The following NHERF2 variants were observed in gnomAD, a reference collection of about 807,000 sequenced individuals.
NHERF2 encodes NHERF family PDZ scaffold protein 2, also known as Na(+)/H(+) exchange regulatory cofactor NHE-RF2.
chr16:2,035,389 A>T, the NHERF2 span: 2 of 985,534 alleles, frequency 2.0e-6, no homozygotes, highest in African/African-American at 3.5e-5. Flanking sequence ...ATGCCGCCCC[A>T]GCCCTGGCCT....
At chr16:2,037,911 G>C in the NHERF2 span, 1 of 1,612,022 alleles carries the variant, frequency 6.2e-7, no homozygotes, top group Non-Finnish European at 8.5e-7. Flanking sequence ...GAGAAGGCTC[G>C]AGCCATGCGA....
the NHERF2 span, chr16:2,037,459 G>T: frequency 0.19 from 229,550 of 1,239,248 alleles, 25,195 homozygotes; most frequent in African/African-American, 0.42. Context: ...ACTGGGGGGG[G>T]GTGTGCCTCT....
At chr16:2,027,118 G>A in the NHERF2 span, 1 of 1,467,476 alleles carries the variant, frequency 6.8e-7, no homozygotes, top group Non-Finnish European at 9.0e-7. Context: ...TTCATCCGGC[G>A]CGTGGAACCC....
At chr16:2,030,923 A>G in the NHERF2 span, among the ~76,000 whole-genome samples, 9 of 152,086 alleles carry the variant, frequency 5.9e-5, no homozygotes, top group Admixed American at 3.3e-4. Flanking sequence ...CCTAGGCGAC[A>G]GAGTGAGACT....
the NHERF2 span, chr16:2,036,138 G>A: frequency 1.7e-6 from 1 of 580,160 alleles, no homozygotes; most frequent in South Asian, 2.6e-5. Flanking sequence ...AACAGGCTTT[G>A]CCCAAGTTCC....
chr16:2,033,551 G>A, the NHERF2 span: 1 of 1,115,758 alleles, frequency 9.0e-7, no homozygotes, highest in Non-Finnish European at 1.2e-6. Flanking sequence ...GAGCAACAAT[G>A]AAGGCCTTTC....
the NHERF2 span, chr16:2,026,930 C>T: frequency 2.0e-6 from 1 of 505,278 alleles, no homozygotes; most frequent in Non-Finnish European, 2.5e-6. Context: ...AAGCCACCGC[C>T]GGGTGCCCAG....
At chr16:2,026,991 T>TG in the NHERF2 span, 12 of 1,087,302 alleles carry the variant, frequency 1.1e-5, no homozygotes, top group Non-Finnish European at 1.1e-5. Flanking sequence ...GGGCGGCCGG[T>TG]GGGCAGCGGG....
chr16:2,029,640 A>C, the NHERF2 span: 2 of 1,577,056 alleles, frequency 1.3e-6, no homozygotes, highest in Admixed American at 1.8e-5. Context: ...GTGGACCAGG[A>C]GACAGATGAG....
At chr16:2,033,463 G>A in the NHERF2 span, 1 of 1,501,624 alleles carries the variant, frequency 6.7e-7, no homozygotes, top group South Asian at 1.2e-5. Context: ...GGGAGGGCTA[G>A]GAGGAACCGG....
At chr16:2,034,199 C>T in the NHERF2 span, among the ~76,000 whole-genome samples, 1 of 152,174 alleles carries the variant, frequency 6.6e-6, no homozygotes, top group Admixed American at 6.5e-5. Flanking sequence ...TGCGTGTTTG[C>T]AGGTGTGTGT....
chr16:2,030,618 C>CTT, the NHERF2 span, among the ~76,000 whole-genome samples: 7 of 132,224 alleles, frequency 5.3e-5, no homozygotes, highest in African/African-American at 2.1e-4. Context: ...TCTCTCCTAC[C>CTT]TTTTTTTTTT....
the NHERF2 span, among the ~76,000 whole-genome samples, chr16:2,028,619 C>G: frequency 6.6e-6 from 1 of 152,140 alleles, no homozygotes; most frequent in Non-Finnish European, 1.5e-5. Flanking sequence ...CTGGGTTCCT[C>G]TTGTCTCACT....
the NHERF2 span, among the ~76,000 whole-genome samples, chr16:2,030,929 A>G: frequency 6.6e-6 from 1 of 151,936 alleles, no homozygotes; most frequent in African/African-American, 2.4e-5. Flanking sequence ...CGACAGAGTG[A>G]GACTGTCTCA....
At chr16:2,037,058 G>A in the NHERF2 span, 4 of 1,530,604 alleles carry the variant, frequency 2.6e-6, no homozygotes, top group African/African-American at 5.5e-5. Context: ...AGGCCCGACA[G>A]AGGCCCCCTT....
the NHERF2 span, chr16:2,029,755 C>G: frequency 6.4e-7 from 1 of 1,553,834 alleles, no homozygotes; most frequent in Non-Finnish European, 8.7e-7. Context: ...CACACACCGG[C>G]AGCCACAGCT....
the NHERF2 span, chr16:2,029,728 G>T: frequency 6.4e-7 from 1 of 1,555,818 alleles, no homozygotes; most frequent in Non-Finnish European, 8.7e-7. Flanking sequence ...ACCCCTGGGA[G>T]CCGAAGCCAG....
chr16:2,030,807 G>A, the NHERF2 span, among the ~76,000 whole-genome samples: 1 of 152,024 alleles, frequency 6.6e-6, no homozygotes, highest in Non-Finnish European at 1.5e-5. Flanking sequence ...TGGGCATGGT[G>A]GGGCACGCCT....
chr16:2,027,749 C>A, the NHERF2 span, among the ~76,000 whole-genome samples: 4 of 152,134 alleles, frequency 2.6e-5, no homozygotes, highest in African/African-American at 9.7e-5. Context: ...TGTGTGTGTG[C>A]AGGTCTGGAC....
Sources: gnomAD v4.1 joint callset for allele counts (sites outside exome capture counted in the v4.1 genomes callset) on GRCh38, gnomAD v4.1.1 for gene constraint, MANE v1.5 for transcripts, NCBI Gene and HGNC (gene_info 2026-07-23, HGNC 2026-07-21) for gene names.